PDZD2: variants seen among roughly 807,000 people sequenced by gnomAD.
PDZD2 encodes PDZ domain containing 2.
A neutral mutation model predicts 220.7 loss-of-function variants in PDZD2; 90 were observed. The observed-to-expected ratio is 0.41, with a 90% confidence interval of 0.34 to 0.49. The LOEUF (loss-of-function observed/expected upper bound fraction) is 0.49, where lower values mean the gene tolerates loss of function less well. PDZD2 is among the 20% of genes least tolerant of loss of function. The pLI is 0.28. For missense variants in PDZD2, 3,174 were observed against 3,608.5 expected (o/e 0.88, Z 3.08); for synonymous variants, 1,375 against 1,450.5 (o/e 0.95, Z 1.18).
intron 1 of PDZD2, among the ~76,000 whole-genome samples, chr5:31,640,208 C>G (rs1744896519): frequency 6.6e-6 from 1 of 152,232 alleles, no homozygotes; most frequent in Non-Finnish European, 1.5e-5. Flanking sequence ...TCCAGGACCC[C>G]TGGCAGGAGT....
chr5:31,798,097 G>A (rs1443790111), intron 1 of PDZD2, among the ~76,000 whole-genome samples: 3 of 152,126 alleles, frequency 2.0e-5, no homozygotes, highest in Non-Finnish European at 4.4e-5. Flanking sequence ...CTTTAGCTCT[G>A]GTGGGAGCCG....
intron 1 of PDZD2, among the ~76,000 whole-genome samples, chr5:31,723,615 T>C (rs1748932925): frequency 6.6e-6 from 1 of 151,938 alleles, no homozygotes; most frequent in South Asian, 2.1e-4. Context: ...TTATTATTAT[T>C]ATTATTTTTA....
At chr5:31,903,644 C>CAAA (rs59822169) in intron 2 of PDZD2, among the ~76,000 whole-genome samples, 25 of 99,678 alleles carry the variant, frequency 2.5e-4, no homozygotes, top group African/African-American at 4.8e-4. Flanking sequence ...GACCCTGTCT[C>CAAA]AAAAAAAAAA....
intron 1 of PDZD2, among the ~76,000 whole-genome samples, chr5:31,642,847 G>T (rs1745000939): frequency 6.6e-6 from 1 of 152,190 alleles, no homozygotes; most frequent in Non-Finnish European, 1.5e-5. Context: ...CGTGAAGCTG[G>T]GGCCTGGAGG....
At chr5:31,682,441 A>G (rs1746687252) in intron 1 of PDZD2, among the ~76,000 whole-genome samples, 1 of 152,192 alleles carries the variant, frequency 6.6e-6, no homozygotes, top group Non-Finnish European at 1.5e-5. Context: ...GAGAAGTGGA[A>G]TGGTACATTC....
intron 2 of PDZD2, among the ~76,000 whole-genome samples, chr5:31,818,403 T>G (rs1755609416): frequency 1.3e-5 from 2 of 152,154 alleles, no homozygotes; most frequent in Non-Finnish European, 2.9e-5. Context: ...TCTAGATGTC[T>G]CTCATCCACC....
intron 1 of PDZD2, among the ~76,000 whole-genome samples, chr5:31,775,374 T>C (rs1272858105): frequency 6.6e-6 from 1 of 151,612 alleles, no homozygotes; most frequent in Non-Finnish European, 1.5e-5. Context: ...TGCAGAAGCA[T>C]GTGGCGGCTT....
At chr5:31,946,251 C>T (rs561456486) in intron 2 of PDZD2, among the ~76,000 whole-genome samples, 18 of 152,342 alleles carry the variant, frequency 1.2e-4, no homozygotes, top group African/African-American at 3.8e-4. Context: ...GCTCTGCCTG[C>T]CTCGGCCTCC....
intron 2 of PDZD2, among the ~76,000 whole-genome samples, chr5:31,949,042 G>A (rs1746928255): frequency 6.9e-6 from 1 of 145,076 alleles, no homozygotes; most frequent in African/African-American, 2.6e-5. Context: ...AGGTTGCACT[G>A]AGCTGAGATG....
intron 10 of PDZD2, among the ~76,000 whole-genome samples, chr5:32,055,742 T>C (rs1294524941): frequency 6.6e-6 from 1 of 152,236 alleles, no homozygotes; most frequent in African/African-American, 2.4e-5. Context: ...TCGAACCCTG[T>C]ATGCTAACAA....
intron 2 of PDZD2, among the ~76,000 whole-genome samples, chr5:31,976,601 A>G (rs1446628219): frequency 6.6e-6 from 1 of 152,124 alleles, no homozygotes; most frequent in Non-Finnish European, 1.5e-5. Context: ...CTTTGGTGAA[A>G]AGTCTTCAGA....
chr5:31,812,038 A>AT (rs55717370), intron 2 of PDZD2, among the ~76,000 whole-genome samples: 2,058 of 122,886 alleles, frequency 0.017, 17 homozygotes, highest in Non-Finnish European at 0.021. Context: ...AAATAAATAA[A>AT]AATTCAAGCT....
At chr5:31,850,634 CTTTT>C (rs1202109766) in intron 2 of PDZD2, among the ~76,000 whole-genome samples, 2 of 118,316 alleles carry the variant, frequency 1.7e-5, no homozygotes, top group Admixed American at 9.4e-5. Flanking sequence ...TACCCAAATT[CTTTT>C]TTTTTTTTTT....
chr5:32,027,445 A>G (rs1443232356), intron 6 of PDZD2, among the ~76,000 whole-genome samples: 2 of 152,176 alleles, frequency 1.3e-5, no homozygotes, highest in African/African-American at 2.4e-5. Context: ...GGGGTGATGA[A>G]TGGGAGGAAG....
intron 1 of PDZD2, among the ~76,000 whole-genome samples, chr5:31,736,581 A>C (rs1749875207): frequency 6.6e-6 from 1 of 152,222 alleles, no homozygotes; most frequent in South Asian, 2.1e-4. Context: ...AATACTGAAA[A>C]GTTTAGAGAT....
chr5:31,850,236 A>ATG (rs1757967797), intron 2 of PDZD2, among the ~76,000 whole-genome samples: 8 of 97,974 alleles, frequency 8.2e-5, no homozygotes, highest in Non-Finnish European at 1.4e-4. Context: ...GTATATATAT[A>ATG]TATATATACA....
intron 1 of PDZD2, among the ~76,000 whole-genome samples, chr5:31,640,570 C>T (rs1249174622): frequency 6.6e-6 from 1 of 152,190 alleles, no homozygotes; most frequent in Non-Finnish European, 1.5e-5. Flanking sequence ...CCCCCTGGAC[C>T]TTCAGGGCCT....
At chr5:31,854,915 A>G (rs371102865) in intron 2 of PDZD2, 44 of 919,132 alleles carry the variant, frequency 4.8e-5, no homozygotes, top group Admixed American at 1.2e-4. Flanking sequence ...CGGAGGGAGG[A>G]GGGGGGGGTC....
At chr5:32,056,098 A>T (rs764056344) in intron 10 of PDZD2, among the ~76,000 whole-genome samples, 14 of 152,312 alleles carry the variant, frequency 9.2e-5, no homozygotes, top group African/African-American at 1.7e-4. Flanking sequence ...CTTTGCATAC[A>T]TTTTAAGAGT....
Sources: gnomAD v4.1 joint callset for allele counts (sites outside exome capture counted in the v4.1 genomes callset) on GRCh38, gnomAD v4.1.1 for gene constraint, MANE v1.5 for transcripts, NCBI Gene and HGNC (gene_info 2026-07-23, HGNC 2026-07-21) for gene names.